Variants in TLK1 observed in about 807,000 individuals in gnomAD.
TLK1 encodes serine/threonine-protein kinase tousled-like 1.
A neutral mutation model predicts 105.3 loss-of-function variants in TLK1; 24 were observed. That is an observed-to-expected ratio of 0.23 (90% confidence interval 0.17 to 0.32). The LOEUF is 0.32. TLK1 is among the 10% of genes least tolerant of loss of function. The pLI, the probability that TLK1 is intolerant of heterozygous loss-of-function variation, is 1.00. For synonymous variants in TLK1, 321 were observed against 310.4 expected (o/e 1.03, Z -0.36); for missense variants, 558 against 910.5 (o/e 0.61, Z 4.98).
intron 2 of TLK1, among the ~76,000 whole-genome samples, chr2:171,114,125 T>A (rs1158435743): frequency 6.6e-6 from 1 of 152,202 alleles, no homozygotes; most frequent in African/African-American, 2.4e-5. Context: ...ATTTATCACG[T>A]ACTAGCAATT....
intron 1 of TLK1, among the ~76,000 whole-genome samples, chr2:171,205,076 G>A (rs1191703214): frequency 6.6e-6 from 1 of 152,114 alleles, no homozygotes; most frequent in Non-Finnish European, 1.5e-5. Flanking sequence ...AGGCAGGTGT[G>A]GTGGCTCATG....
chr2:171,115,487 T>C (rs1489961612), intron 2 of TLK1, among the ~76,000 whole-genome samples: 1 of 152,118 alleles, frequency 6.6e-6, no homozygotes, highest in Non-Finnish European at 1.5e-5. Context: ...AAGAATATTT[T>C]TGAAAGACTA....
intron 11 of TLK1, among the ~76,000 whole-genome samples, chr2:171,038,464 C>G (rs1476311593): frequency 6.6e-6 from 1 of 152,090 alleles, no homozygotes; most frequent in Admixed American, 6.6e-5. Flanking sequence ...ATAATTTTCT[C>G]TCGATACTCT....
intron 1 of TLK1, among the ~76,000 whole-genome samples, chr2:171,194,807 A>C (rs1693233476): frequency 7.4e-6 from 1 of 135,800 alleles, no homozygotes; most frequent in African/African-American, 3.0e-5. Context: ...ACAGAGCGAG[A>C]CTCCGTCTCA....
chr2:171,098,842 A>G (rs1363467413), intron 2 of TLK1, among the ~76,000 whole-genome samples: 1 of 152,164 alleles, frequency 6.6e-6, no homozygotes, highest in African/African-American at 2.4e-5. Flanking sequence ...AACAGAACAA[A>G]AAATAACCAC....
At position 171,120,245 on chromosome 2, in the gene TLK1, T is replaced by C. The variant is rs367690408; in HGVS notation, c.140-2388A>G. Among the ~76,000 whole-genome samples, 598 of 80,658 alleles carry C rather than the reference T, an allele frequency of 7.4e-3. 5 individuals carry two copies. Among genetic ancestry groups the C allele is most frequent in the African/African-American group, 0.031 (555 of 17,866 alleles). 52.9% of individuals were successfully genotyped at this position (80,658 alleles called of 152,430 possible). ...GCCTGGGCGACAGAGTGAGACTCCG[T>C]CAGAAAAAAAAAAAAAAAAAAAAAA... On this transcript the variant is annotated intron_variant, in intron 1 of 20. Transcript: ENST00000431350.
upstream of TLK1, among the ~76,000 whole-genome samples, chr2:171,164,046 G>A (rs1039077119): frequency 2.6e-5 from 4 of 152,168 alleles, no homozygotes; most frequent in African/African-American, 9.7e-5. Flanking sequence ...TATATTTAAT[G>A]CAGATTGGCT....
chr2:171,043,597 A>G (rs1206352392), intron 11 of TLK1, among the ~76,000 whole-genome samples: 3 of 152,164 alleles, frequency 2.0e-5, no homozygotes, highest in Non-Finnish European at 4.4e-5. Flanking sequence ...GAGATTATAA[A>G]CATCACCCAA....
At chr2:171,054,185 CTATTTATGG>C (rs1274655278) in intron 7 of TLK1, 1 of 172,264 alleles carries the variant, frequency 5.8e-6, no homozygotes, top group African/African-American at 2.4e-5. Context: ...AAAAACCTAT[CTATTTATGG>C]TACACAACAC....
rs1401290312 is a variant in TLK1 at position 171,173,154 on chromosome 2, A to G, written c.-5-55297T>C. ...ACTACTTTGAAAACTCTGGTGCAAC[A>G]TGACAAAAGCTTTTGGTATGATGTA... On this transcript the variant is annotated intron_variant, in intron 1 of 20. Transcript: ENST00000521943. Among the ~76,000 whole-genome samples the G allele has an allele frequency of 3.3e-5, 5 of 152,344 alleles. No homozygotes were observed. The East Asian group carries it at 9.6e-4, about 29-fold the overall frequency.
At chr2:171,087,506 G>GT (rs1438237207) in intron 2 of TLK1, among the ~76,000 whole-genome samples, 1 of 152,102 alleles carries the variant, frequency 6.6e-6, no homozygotes, top group African/African-American at 2.4e-5. Flanking sequence ...TAAGATACAT[G>GT]TAACTGGGGT....
chr2:171,201,172 C>T (rs960827018), intron 1 of TLK1, among the ~76,000 whole-genome samples: 3 of 152,156 alleles, frequency 2.0e-5, no homozygotes, highest in African/African-American at 4.8e-5. Flanking sequence ...ATGTGAGCCA[C>T]CGCACCCGGC....
rs1553490172 is a variant in TLK1, at chr2:171,212,901, T to TTA, written c.-6+18243_-6+18244insTA. ...CAGCAAAAAGCGTTTTGTTTTTTTT[T>TTA]AAAAAAAACAAGCAAAATGTATTTA... On this transcript the variant is annotated intron_variant, in intron 1 of 20. Transcript: ENST00000521943. 1.6e-3 allele frequency among the ~76,000 whole-genome samples: 249 copies of TTA among 151,218 alleles called. 1 individual carries two copies. The highest frequency in any genetic ancestry group is 5.2e-3 in the African/African-American group (214 of 41,244).
chr2:171,210,018 T>C (rs1693582946), intron 1 of TLK1, among the ~76,000 whole-genome samples: 1 of 152,210 alleles, frequency 6.6e-6, no homozygotes, highest in Non-Finnish European at 1.5e-5. Context: ...GTTTTGTACC[T>C]CCTATTAGCT....
At chr2:171,093,052 A>C (rs1030759651) in intron 2 of TLK1, among the ~76,000 whole-genome samples, 1 of 152,224 alleles carries the variant, frequency 6.6e-6, no homozygotes. Flanking sequence ...TCTTAAAAAT[A>C]TATGCCAGTC....
At chr2:171,094,909 C>T (rs1367966372) in intron 2 of TLK1, among the ~76,000 whole-genome samples, 1 of 152,018 alleles carries the variant, frequency 6.6e-6, no homozygotes, top group African/African-American at 2.4e-5. Flanking sequence ...CGCCTGGCCT[C>T]AAACTAAATT....
intron 5 of TLK1, among the ~76,000 whole-genome samples, chr2:171,057,853 C>A (rs1319543827): frequency 6.6e-6 from 1 of 151,998 alleles, no homozygotes; most frequent in Non-Finnish European, 1.5e-5. Flanking sequence ...ACGGTGTAGG[C>A]TACTTTACAT....
intron 11 of TLK1, among the ~76,000 whole-genome samples, chr2:171,034,630 G>C (rs1319260254): frequency 6.6e-6 from 1 of 152,124 alleles, no homozygotes; most frequent in Non-Finnish European, 1.5e-5. Flanking sequence ...GTTCCTCTGG[G>C]TTAAGGAAAC....
chr2:171,190,529 A>T (rs1310425754), intron 1 of TLK1, among the ~76,000 whole-genome samples: 1 of 152,214 alleles, frequency 6.6e-6, no homozygotes, highest in African/African-American at 2.4e-5. Flanking sequence ...AATAATCCTA[A>T]AATTTTACAT....
Sources: gnomAD v4.1 joint callset for allele counts (sites outside exome capture counted in the v4.1 genomes callset) on GRCh38, gnomAD v4.1.1 for gene constraint, MANE v1.5 for transcripts, NCBI Gene and HGNC (gene_info 2026-07-23, HGNC 2026-07-21) for gene names.